FOXN2: variants seen among roughly 807,000 people sequenced by gnomAD.
FOXN2 encodes forkhead box protein N2.
FOXN2 carries 19 observed loss-of-function variants against 41.2 expected under a neutral mutation model. That is an observed-to-expected ratio of 0.46 (90% confidence interval 0.32 to 0.68). The LOEUF (loss-of-function observed/expected upper bound fraction) is 0.68. FOXN2 is among the 30% of genes least tolerant of loss of function. The probability of loss-of-function intolerance (pLI) is 0.03; values close to 1 mark genes in which losing one functional copy is unlikely to be tolerated. For synonymous variants in FOXN2, 195 were observed against 176.8 expected, an observed-to-expected ratio of 1.10 and a Z score of -0.82; for missense variants, 587 against 509.4, an observed-to-expected ratio of 1.15 and a Z score of -1.47.
chr2:48,334,564 A>T (rs1670212510), intron 2 of FOXN2, among the ~76,000 whole-genome samples: 1 of 152,220 alleles, frequency 6.6e-6, no homozygotes, highest in South Asian at 2.1e-4. Flanking sequence ...ACAACCTAAA[A>T]TGCTGGATAA....
chr2:48,347,650 T>C (rs750038162), intron 3 of FOXN2, among the ~76,000 whole-genome samples: 7 of 152,280 alleles, frequency 4.6e-5, no homozygotes, highest in South Asian at 2.1e-4. Context: ...CTTTAATTTA[T>C]CATTGGTCCA....
At chr2:48,319,340 A>G (rs1014421470) in intron 1 of FOXN2, among the ~76,000 whole-genome samples, 8 of 152,128 alleles carry the variant, frequency 5.3e-5, no homozygotes, top group African/African-American at 1.9e-4. Context: ...GAGGGAATTT[A>G]CTGTATATTT....
At chr2:48,351,406 C>T (rs976897086) in intron 3 of FOXN2, among the ~76,000 whole-genome samples, 14 of 152,186 alleles carry the variant, frequency 9.2e-5, no homozygotes, top group South Asian at 2.1e-4. Flanking sequence ...AATCATAATA[C>T]GATATAGAAA....
chr2:48,321,838 A>G (rs757481452), intron 1 of FOXN2, among the ~76,000 whole-genome samples: 4 of 152,224 alleles, frequency 2.6e-5, no homozygotes, highest in South Asian at 2.1e-4. Flanking sequence ...GTGGGTCTCT[A>G]TGAAAAAAAT....
At chr2:48,350,582 A>G (rs1431279257) in intron 3 of FOXN2, among the ~76,000 whole-genome samples, 42 of 152,190 alleles carry the variant, frequency 2.8e-4, no homozygotes. Flanking sequence ...TCTGTCCTAC[A>G]CCACTATCTG....
At chr2:48,342,508 T>A (rs1444886876) in intron 2 of FOXN2, among the ~76,000 whole-genome samples, 1 of 152,084 alleles carries the variant, frequency 6.6e-6, no homozygotes, top group African/African-American at 2.4e-5. Context: ...CCATTTAGCT[T>A]TCCGAAATGG....
At chr2:48,360,259 C>A (rs1381476878) in intron 4 of FOXN2, among the ~76,000 whole-genome samples, 1 of 151,962 alleles carries the variant, frequency 6.6e-6, no homozygotes, top group Non-Finnish European at 1.5e-5. Flanking sequence ...AATTGAAAAT[C>A]CCAGATTTGG....
intron 2 of FOXN2, among the ~76,000 whole-genome samples, chr2:48,339,345 T>G (rs1430979943): frequency 1.3e-5 from 2 of 152,174 alleles, no homozygotes; most frequent in Non-Finnish European, 2.9e-5. Flanking sequence ...GGTGGTCCCT[T>G]CAAGCTGTTC....
chr2:48,371,779 A>G (rs2104528915), intron 5 of FOXN2, among the ~76,000 whole-genome samples: 1 of 151,914 alleles, frequency 6.6e-6, no homozygotes, highest in Non-Finnish European at 1.5e-5. Context: ...AGGTATTTTA[A>G]TTTTATTTTT....
chr2:48,341,478 C>A (rs1462149948), intron 2 of FOXN2, among the ~76,000 whole-genome samples: 2 of 151,996 alleles, frequency 1.3e-5, no homozygotes, highest in East Asian at 3.9e-4. Flanking sequence ...AAAAATAAAT[C>A]TTAATGAGAA....
chr2:48,315,012 C>T (rs1352905202), intron 1 of FOXN2, among the ~76,000 whole-genome samples, 198 bp downstream of exon 1: 1 of 152,026 alleles, frequency 6.6e-6, no homozygotes, highest in African/African-American at 2.4e-5. Context: ...GCGCGCGTAT[C>T]GGGTGGTGTG....
intron 1 of FOXN2, among the ~76,000 whole-genome samples, chr2:48,315,253 C>T (rs979116020): frequency 6.6e-5 from 10 of 152,114 alleles, no homozygotes; most frequent in African/African-American, 2.4e-4. Flanking sequence ...CTTTGCAACG[C>T]CCCCTCCTCT....
chr2:48,330,622 T>C (rs557631731), intron 2 of FOXN2, among the ~76,000 whole-genome samples: 3 of 152,266 alleles, frequency 2.0e-5, no homozygotes, highest in African/African-American at 7.2e-5. Flanking sequence ...ACTTTCTGGT[T>C]GCTCTTTTGA....
chr2:48,356,949 G>A (rs1246053992), intron 3 of FOXN2, among the ~76,000 whole-genome samples: 1 of 152,130 alleles, frequency 6.6e-6, no homozygotes, highest in Non-Finnish European at 1.5e-5. Context: ...AGGCTATTTT[G>A]TTATAGGCAA....
At chr2:48,326,822 A>G (rs1398913682) in intron 1 of FOXN2, among the ~76,000 whole-genome samples, 2 of 152,170 alleles carry the variant, frequency 1.3e-5, no homozygotes, top group Non-Finnish European at 2.9e-5. Context: ...ATAAATGAAT[A>G]TTATGTTTAG....
intron 5 of FOXN2, among the ~76,000 whole-genome samples, chr2:48,370,536 C>G (rs1672822257): frequency 1.3e-5 from 2 of 152,252 alleles, no homozygotes; most frequent in South Asian, 4.1e-4. Flanking sequence ...ACCACTTTCC[C>G]CAACACTCTA....
intron 3 of FOXN2, among the ~76,000 whole-genome samples, chr2:48,347,952 C>T (rs1160264373): frequency 6.6e-6 from 1 of 151,828 alleles, no homozygotes. Context: ...TGTAATGTCT[C>T]TTTTTTTAAT....
At chr2:48,346,130 A>G (rs1671080221) in intron 2 of FOXN2, 71 bp from the exon 3 acceptor site, 8 of 1,326,166 alleles carry the variant, frequency 6.0e-6, no homozygotes, top group South Asian at 1.5e-5. Context: ...GGATATTTAC[A>G]TATGTATTTT....
chr2:48,333,784 G>C (rs1670168531), intron 2 of FOXN2, among the ~76,000 whole-genome samples: 1 of 152,106 alleles, frequency 6.6e-6, no homozygotes, highest in East Asian at 1.9e-4. Context: ...AAGGGTATTG[G>C]TGGTCTTTAT....
Sources: allele counts gnomAD v4.1 joint callset (sites outside exome capture counted in the v4.1 genomes callset), GRCh38; gene constraint gnomAD v4.1.1; transcripts MANE v1.5; gene names NCBI Gene and HGNC (gene_info 2026-07-23, HGNC 2026-07-21).